CDH18: variants seen among roughly 807,000 people sequenced by gnomAD.
CDH18 encodes the protein cadherin 18.
In CDH18, 31 loss-of-function variants were observed where a neutral mutation model predicts 67.9. The ratio of observed to expected loss-of-function variants is 0.46; its 90% CI spans 0.34 to 0.62. CDH18 has a LOEUF of 0.62. Among genes scored for constraint, CDH18 ranks in the 20% least tolerant of loss-of-function variants. CDH18 has a pLI of 0.01. For synonymous variants in CDH18, 362 were observed against 347.2 expected, an observed-to-expected ratio of 1.04 and a Z score of -0.48; for missense variants, 890 against 975.5, an observed-to-expected ratio of 0.91 and a Z score of 1.17.
intron 2 of CDH18, among the ~76,000 whole-genome samples, chr5:20,125,139 C>T (rs1748710791): frequency 6.6e-6 from 1 of 152,198 alleles, no homozygotes; most frequent in Non-Finnish European, 1.5e-5. Flanking sequence ...AACAAGGATA[C>T]TTCCTACAAC....
chr5:20,052,333 A>C (rs1441653635), intron 2 of CDH18, among the ~76,000 whole-genome samples: 13 of 152,048 alleles, frequency 8.5e-5, no homozygotes, highest in Non-Finnish European at 1.9e-4. Context: ...AGTCAGACTT[A>C]ATGGGAGTCC....
At chr5:20,042,925 G>A (rs1740569645) in intron 2 of CDH18, among the ~76,000 whole-genome samples, 1 of 151,930 alleles carries the variant, frequency 6.6e-6, no homozygotes, top group South Asian at 2.1e-4. Context: ...TCGCGCCACT[G>A]CACTCCAGCC....
At chr5:19,732,980 C>G (rs935749425) in intron 4 of CDH18, among the ~76,000 whole-genome samples, 1 of 152,126 alleles carries the variant, frequency 6.6e-6, no homozygotes, top group East Asian at 1.9e-4. Context: ...TGAGGGAAAT[C>G]TGAGTTCCGT....
chr5:19,693,789 G>A (rs1316008881), intron 5 of CDH18, among the ~76,000 whole-genome samples: 2 of 151,726 alleles, frequency 1.3e-5, no homozygotes, highest in Non-Finnish European at 2.9e-5. Context: ...CCAGCTACTC[G>A]GGAGGCTGAG....
chr5:19,539,446 A>G (rs1457304823), intron 9 of CDH18, among the ~76,000 whole-genome samples: 1 of 152,210 alleles, frequency 6.6e-6, no homozygotes, highest in African/African-American at 2.4e-5. Context: ...GAACTCATAT[A>G]TATTCATAAA....
At chr5:20,147,989 T>C (rs184856340) in intron 2 of CDH18, among the ~76,000 whole-genome samples, 1 of 152,246 alleles carries the variant, frequency 6.6e-6, no homozygotes, top group African/African-American at 2.4e-5. Flanking sequence ...TTTGAATGTG[T>C]GTGTGTGCAT....
chr5:19,954,898 G>A (rs981577408), intron 2 of CDH18, among the ~76,000 whole-genome samples: 1 of 151,926 alleles, frequency 6.6e-6, no homozygotes, highest in African/African-American at 2.4e-5. Flanking sequence ...CTGCACAAGT[G>A]GAGTGAAGTT....
chr5:19,752,568 C>T (rs891448538), intron 3 of CDH18, among the ~76,000 whole-genome samples: 1 of 152,120 alleles, frequency 6.6e-6, no homozygotes, highest in African/African-American at 2.4e-5. Context: ...TGGCCCTGCC[C>T]CCACCCAATG....
intron 2 of CDH18, among the ~76,000 whole-genome samples, chr5:20,047,082 G>A (rs922636332): frequency 2.0e-5 from 3 of 151,700 alleles, no homozygotes; most frequent in African/African-American, 7.2e-5. Context: ...ACAAGAGAGA[G>A]TATAAAATGG....
At chr5:20,125,562 C>T (rs1748751007) in intron 2 of CDH18, among the ~76,000 whole-genome samples, 1 of 152,050 alleles carries the variant, frequency 6.6e-6, no homozygotes. Context: ...AAGTAACCTT[C>T]CATGAAAAAA....
At chr5:20,267,064 A>G (rs1385280669) in intron 1 of CDH18, among the ~76,000 whole-genome samples, 2 of 152,226 alleles carry the variant, frequency 1.3e-5, no homozygotes, top group African/African-American at 2.4e-5. Flanking sequence ...TTGGTCATAC[A>G]GACAATAAAT....
intron 8 of CDH18, among the ~76,000 whole-genome samples, chr5:19,568,806 A>T (rs1418315234): frequency 6.6e-6 from 1 of 152,158 alleles, no homozygotes; most frequent in Admixed American, 6.5e-5. Flanking sequence ...TATACCACAC[A>T]GTCGAAGGTA....
chr5:20,218,877 C>A (rs4599543), intron 2 of CDH18, among the ~76,000 whole-genome samples: 107,133 of 151,344 alleles, frequency 0.71, 38,794 homozygotes, highest in African/African-American at 0.88. Flanking sequence ...CTAATACAGA[C>A]GTACTAAGAG....
intron 9 of CDH18, among the ~76,000 whole-genome samples, chr5:19,524,997 G>A (rs144801855): frequency 1.3e-5 from 2 of 152,016 alleles, no homozygotes; most frequent in Admixed American, 6.6e-5. Flanking sequence ...CGCCGGCCTC[G>A]GTCTCCCAAA....
chr5:20,009,423 C>G (rs1737207812), intron 2 of CDH18, among the ~76,000 whole-genome samples: 1 of 152,028 alleles, frequency 6.6e-6, no homozygotes, highest in Admixed American at 6.6e-5. Context: ...GAGAACTGTA[C>G]TCTCTCTTTA....
At chr5:20,212,351 C>T (rs1011266090) in intron 2 of CDH18, among the ~76,000 whole-genome samples, 1 of 152,154 alleles carries the variant, frequency 6.6e-6, no homozygotes, top group Admixed American at 6.5e-5. Flanking sequence ...TTGGAAAACA[C>T]TCTTCAGGAT....
At chr5:19,760,972 G>A in intron 3 of CDH18, among the ~76,000 whole-genome samples, 1 of 152,078 alleles carries the variant, frequency 6.6e-6, no homozygotes, top group East Asian at 1.9e-4. Context: ...CTTCATTCTG[G>A]CCAAAAAATA....
intron 4 of CDH18, among the ~76,000 whole-genome samples, chr5:19,733,312 T>A (rs888965041): frequency 1.2e-4 from 18 of 152,222 alleles, no homozygotes; most frequent in African/African-American, 4.1e-4. Context: ...GTTTTTACAC[T>A]GTTCCCACCT....
chr5:19,883,708 G>T (rs1414112377), intron 2 of CDH18, among the ~76,000 whole-genome samples: 1 of 151,966 alleles, frequency 6.6e-6, no homozygotes, highest in Non-Finnish European at 1.5e-5. Flanking sequence ...AAATAAAAAG[G>T]GGTTTGACGT....
Sources: gnomAD v4.1 joint callset for allele counts (sites outside exome capture counted in the v4.1 genomes callset) on GRCh38, gnomAD v4.1.1 for gene constraint, MANE v1.5 for transcripts, NCBI Gene and HGNC (gene_info 2026-07-23, HGNC 2026-07-21) for gene names.